NEDD9: variants seen among roughly 807,000 people sequenced by gnomAD.
NEDD9 encodes neural precursor cell expressed, developmentally down-regulated 9.
A neutral mutation model predicts 76.6 loss-of-function variants in NEDD9; 26 were observed. The ratio of observed to expected loss-of-function variants is 0.34; its 90% CI spans 0.25 to 0.47. The LOEUF (loss-of-function observed/expected upper bound fraction) is 0.47. Ranked by LOEUF, NEDD9 falls within the 20% of genes least tolerant of loss-of-function variation. The pLI, the probability that NEDD9 is intolerant of heterozygous loss-of-function variation, is 1.00. For missense variants in NEDD9, 937 were observed against 1,058.5 expected (o/e 0.89, Z 1.59); for synonymous variants, 392 against 414.2 (o/e 0.95, Z 0.65).
chr6:11,206,095 A>G (rs1217995228), intron 2 of NEDD9, among the ~76,000 whole-genome samples: 2 of 152,186 alleles, frequency 1.3e-5, no homozygotes, highest in South Asian at 2.1e-4. Flanking sequence ...CATTTTGCAC[A>G]ATGTAGTCAA....
chr6:11,202,762 G>GCTCA (rs1227583170), intron 2 of NEDD9, among the ~76,000 whole-genome samples: 24 of 152,172 alleles, frequency 1.6e-4, no homozygotes, highest in Non-Finnish European at 3.2e-4. Flanking sequence ...TGCTTCTCTG[G>GCTCA]TGCTCATGAA....
intron 1 of NEDD9, among the ~76,000 whole-genome samples, chr6:11,227,254 T>C (rs1561797298): frequency 1.3e-5 from 2 of 152,338 alleles, no homozygotes; most frequent in South Asian, 4.1e-4. Flanking sequence ...TTTGACATAA[T>C]TCTGTCACCA....
chr6:11,347,387 A>C (rs975607256), intron 1 of NEDD9, among the ~76,000 whole-genome samples: 19 of 152,324 alleles, frequency 1.2e-4, no homozygotes, highest in Middle Eastern at 3.4e-3. Flanking sequence ...GTTCCCAAAA[A>C]TTGAGGAGGA....
chr6:11,282,224 C>T (rs1027366250), intron 3 of NEDD9, among the ~76,000 whole-genome samples: 23 of 152,222 alleles, frequency 1.5e-4, no homozygotes, highest in African/African-American at 4.8e-4. Context: ...CCATCTGAAC[C>T]TCTCAGCGAC....
At chr6:11,373,162 A>AC (rs1762910512) in intron 1 of NEDD9, among the ~76,000 whole-genome samples, 1 of 152,152 alleles carries the variant, frequency 6.6e-6, no homozygotes, top group Non-Finnish European at 1.5e-5. Flanking sequence ...TTAAAAAAAA[A>AC]AAACTCATGA....
At chr6:11,336,668 T>G (rs1183609037) in intron 1 of NEDD9, among the ~76,000 whole-genome samples, 1 of 152,242 alleles carries the variant, frequency 6.6e-6, no homozygotes, top group Non-Finnish European at 1.5e-5. Context: ...ACATTTAGGC[T>G]ACACTACATT....
Position 11,239,212 on chromosome 6 carries a change from T to C in NEDD9, c.13-25485A>G, listed in dbSNP as rs184250030. Reference sequence around the variant, plus strand: ...AAATCTGCATATGCTCTCTAGTCAGTTTTATGTATATAACACACCATTTAG... The same window carrying C: ...AAATCTGCATATGCTCTCTAGTCAGCTTTATGTATATAACACACCATTTAG... On this transcript the variant is annotated intron_variant, in intron 3 of 3. Transcript: ENST00000397378. Among the ~76,000 whole-genome samples, 5 of 152,192 alleles carry C rather than the reference T, an allele frequency of 3.3e-5. No individual in the cohort carries two copies. The East Asian group carries it at 7.7e-4, about 24-fold the overall frequency.
intron 3 of NEDD9, among the ~76,000 whole-genome samples, chr6:11,296,529 G>A (rs1296126302): frequency 6.6e-6 from 1 of 152,162 alleles, no homozygotes; most frequent in Non-Finnish European, 1.5e-5. Flanking sequence ...CAAACCTGAG[G>A]CAGATGTAAA....
intron 1 of NEDD9, among the ~76,000 whole-genome samples, chr6:11,367,600 C>T (rs770614039): frequency 2.6e-5 from 4 of 152,190 alleles, no homozygotes; most frequent in Non-Finnish European, 5.9e-5. Context: ...ACATCCTGTG[C>T]TTTCTTTGCA....
chr6:11,210,071 T>C (rs1758731202), intron 2 of NEDD9, among the ~76,000 whole-genome samples: 1 of 150,448 alleles, frequency 6.6e-6, no homozygotes, highest in South Asian at 2.1e-4. Flanking sequence ...TTTTGAACTA[T>C]GGAAAGTCCC....
intron 1 of NEDD9, among the ~76,000 whole-genome samples, chr6:11,365,200 G>A (rs567760276): frequency 1.5e-4 from 23 of 152,238 alleles, no homozygotes; most frequent in African/African-American, 4.3e-4. Context: ...CCTTTCAAGT[G>A]TTCTAGTTAA....
At chr6:11,248,950 G>A (rs1481741014) in intron 3 of NEDD9, 1 of 373,162 alleles carries the variant, frequency 2.7e-6, no homozygotes, top group Admixed American at 3.4e-5. Flanking sequence ...CTTAGGCCCT[G>A]CCTTCTCCTT....
In NEDD9 at chr6:11,365,468, C is replaced by T. The variant is rs1325976594; in HGVS notation, c.-214+16671G>A. Reference sequence around the variant, plus strand: ...TTAAAAACCTCATCTTCACCCTACACTCCTTGAAATAAGTAGAGAAGCAAA... The same window carrying T: ...TTAAAAACCTCATCTTCACCCTACATTCCTTGAAATAAGTAGAGAAGCAAA... On this transcript the variant is annotated intron_variant, in intron 1 of 3. Coordinates refer to the NEDD9 transcript ENST00000397378. Among the ~76,000 whole-genome samples, 4 of 152,344 alleles carry T rather than the reference C, an allele frequency of 2.6e-5. No individual in the cohort carries two copies. In the East Asian group the frequency reaches 5.8e-4, roughly 22 times the overall value.
chr6:11,379,869 C>G (rs571252703), intron 1 of NEDD9, among the ~76,000 whole-genome samples: 1 of 152,238 alleles, frequency 6.6e-6, no homozygotes, highest in African/African-American at 2.4e-5. Flanking sequence ...ATTTCATGCT[C>G]TATCTATGTA....
chr6:11,378,405 G>A (rs1763004032), intron 1 of NEDD9, among the ~76,000 whole-genome samples: 1 of 152,110 alleles, frequency 6.6e-6, no homozygotes, highest in South Asian at 2.1e-4. Flanking sequence ...TATACAGCCT[G>A]CAGAACCATG....
intron 5 of NEDD9, among the ~76,000 whole-genome samples, chr6:11,189,398 C>A (rs1022398231): frequency 1.3e-5 from 2 of 152,172 alleles, no homozygotes; most frequent in African/African-American, 4.8e-5. Flanking sequence ...AGCTAATGCC[C>A]AGTGGTCCTC....
At chr6:11,196,456 C>G (rs542988082) in intron 2 of NEDD9, among the ~76,000 whole-genome samples, 1 of 152,288 alleles carries the variant, frequency 6.6e-6, no homozygotes, top group East Asian at 1.9e-4. Context: ...TAAAGTGTTT[C>G]CTTGCCTTTG....
intron 3 of NEDD9, among the ~76,000 whole-genome samples, chr6:11,240,987 G>A (rs139593406): frequency 2.6e-5 from 4 of 152,330 alleles, no homozygotes; most frequent in East Asian, 1.9e-4. Flanking sequence ...TTCTCTAGCC[G>A]TGAGGTGTTC....
At chr6:11,230,532 C>T (rs55785931) in intron 1 of NEDD9, among the ~76,000 whole-genome samples, 5,410 of 152,308 alleles carry the variant, frequency 0.036, 137 homozygotes, top group Middle Eastern at 0.075. Flanking sequence ...TGTCTCTCCT[C>T]TACTTACAAT....
Sources: allele counts gnomAD v4.1 joint callset (sites outside exome capture counted in the v4.1 genomes callset), GRCh38; gene constraint gnomAD v4.1.1; transcripts MANE v1.5; gene names NCBI Gene and HGNC (gene_info 2026-07-23, HGNC 2026-07-21).